Variants in CACNA2D1 observed in about 807,000 individuals in gnomAD.
The protein encoded by CACNA2D1 is calcium voltage-gated channel auxiliary subunit alpha2delta 1.
CACNA2D1 carries 53 observed loss-of-function variants against 171.5 expected under a neutral mutation model. The ratio of observed to expected loss-of-function variants is 0.31; its 90% CI spans 0.25 to 0.39. The LOEUF (loss-of-function observed/expected upper bound fraction) is 0.39. Ranked by LOEUF, CACNA2D1 falls within the 10% of genes least tolerant of loss-of-function variation. The pLI is 1.00. For missense variants in CACNA2D1, 903 were observed against 1,299.8 expected, an observed-to-expected ratio of 0.69 and a Z score of 4.69; for synonymous variants, 442 against 443.1, an observed-to-expected ratio of 1.00 and a Z score of 0.03.
At chr7:82,187,722 G>T (rs982969441) in intron 3 of CACNA2D1, among the ~76,000 whole-genome samples, 2 of 152,050 alleles carry the variant, frequency 1.3e-5, no homozygotes, top group African/African-American at 4.8e-5. Flanking sequence ...TTTGACTTTA[G>T]GAGCTGTGTA....
intron 3 of CACNA2D1, among the ~76,000 whole-genome samples, chr7:82,290,197 C>T (rs1032333154): frequency 6.6e-6 from 1 of 151,800 alleles, no homozygotes; most frequent in African/African-American, 2.4e-5. Flanking sequence ...CTGAACTAAG[C>T]GAAAGGAAGA....
chr7:82,193,392 A>G (rs529194851), intron 3 of CACNA2D1, among the ~76,000 whole-genome samples: 11 of 152,140 alleles, frequency 7.2e-5, no homozygotes, highest in African/African-American at 2.4e-4. Context: ...GGGATATTTT[A>G]GCAGTTTTTG....
chr7:81,966,646 T>C (rs1794733012), intron 31 of CACNA2D1, among the ~76,000 whole-genome samples: 2 of 151,260 alleles, frequency 1.3e-5, no homozygotes, highest in African/African-American at 4.8e-5. Flanking sequence ...CATTTCCTTT[T>C]TCAATTTCTC....
intron 1 of CACNA2D1, among the ~76,000 whole-genome samples, chr7:82,362,304 C>A (rs1821162021): frequency 6.6e-6 from 1 of 152,158 alleles, no homozygotes. Flanking sequence ...TAGATTTCAA[C>A]AAGCAGTTTT....
At chr7:82,031,244 G>C (rs1298367069) in intron 12 of CACNA2D1, among the ~76,000 whole-genome samples, 1 of 151,846 alleles carries the variant, frequency 6.6e-6, no homozygotes, top group Non-Finnish European at 1.5e-5. Flanking sequence ...ATCTAAAGGA[G>C]CCTACAGTGG....
rs530323971 is a variant in CACNA2D1 at position 82,036,163 on chromosome 7, C to T, written c.1038+1914G>A. Among the ~76,000 whole-genome samples, 3 of 152,216 alleles carry T rather than the reference C, an allele frequency of 2.0e-5. No individual in the cohort carries two copies. In the South Asian group the frequency reaches 6.2e-4, roughly 32 times the overall value. ...TCTCACTCTGCAACCCAGCCCACAC[C>T]ACTTAATCAGTTCCCATGCCATGCT... On this transcript the variant is annotated intron_variant, in intron 11 of 38. Transcript: ENST00000356860.
chr7:82,207,135 G>A lies in CACNA2D1; in HGVS notation c.295-36526C>T, dbSNP rs193122180. Among the ~76,000 whole-genome samples, 27 of 152,288 alleles carry A rather than the reference G, an allele frequency of 1.8e-4. No individual in the cohort carries two copies. In the East Asian group the frequency reaches 5.0e-3, roughly 28 times the overall value. On this transcript the variant is annotated intron_variant, in intron 3 of 38. Coordinates refer to ENST00000356860, the MANE Select transcript of CACNA2D1 (RefSeq NM_000722.4). ...CCACTAAATGCCACCAGGTTTCACT[G>A]TGACAATCAAAACACCCTCACATAT...
intron 3 of CACNA2D1, among the ~76,000 whole-genome samples, chr7:82,288,687 G>A (rs762695725): frequency 2.0e-5 from 3 of 152,108 alleles, no homozygotes; most frequent in Non-Finnish European, 4.4e-5. Context: ...GAAGCTCTTC[G>A]TAATTTCCCA....
chr7:82,181,025 C>T (rs1429092732), intron 3 of CACNA2D1, among the ~76,000 whole-genome samples: 2 of 99,366 alleles, frequency 2.0e-5, no homozygotes, highest in African/African-American at 7.1e-5. Context: ...TGGTCAGCAG[C>T]TGTGGGGCAT....
chr7:82,290,902 T>C (rs1307030658), intron 3 of CACNA2D1, among the ~76,000 whole-genome samples: 1 of 151,484 alleles, frequency 6.6e-6, no homozygotes, highest in Non-Finnish European at 1.5e-5. Flanking sequence ...AGTGAAAGCA[T>C]TATTTTTAAA....
intron 3 of CACNA2D1, among the ~76,000 whole-genome samples, chr7:82,317,803 AT>A (rs1240384518): frequency 2.0e-5 from 3 of 152,068 alleles, no homozygotes; most frequent in African/African-American, 7.2e-5. Flanking sequence ...AGATAGCTTC[AT>A]TTGCAAAATT....
chr7:82,321,657 G>C (rs181999160), intron 3 of CACNA2D1, among the ~76,000 whole-genome samples: 6 of 152,220 alleles, frequency 3.9e-5, no homozygotes, highest in Non-Finnish European at 5.9e-5. Flanking sequence ...AAAACACTAA[G>C]TTGTGAGGAA....
chr7:82,140,851 A>T lies in CACNA2D1; in HGVS notation c.355-4175T>A, dbSNP rs537242406. 6.7e-5 allele frequency among the ~76,000 whole-genome samples: 10 copies of T among 150,134 alleles called. No homozygotes were observed. The South Asian group carries it at 1.9e-3, about 29-fold the overall frequency. On this transcript the variant is annotated intron_variant, in intron 4 of 38. Transcript: ENST00000356860. The stretch of plus-strand genomic sequence containing the variant: ...GCACCTGTGGTCCCAGCTGTTCGGG[A>T]GGCTGAGACAGGAGAATGGCGTGAA...
intron 6 of CACNA2D1, among the ~76,000 whole-genome samples, chr7:82,103,798 A>C (rs1244405061): frequency 6.6e-6 from 1 of 152,110 alleles, no homozygotes; most frequent in Non-Finnish European, 1.5e-5. Flanking sequence ...CCCCAACCCG[A>C]ATATGTATAG....
chr7:82,250,589 T>C (rs948678985), intron 3 of CACNA2D1, among the ~76,000 whole-genome samples: 2 of 152,216 alleles, frequency 1.3e-5, no homozygotes, highest in Non-Finnish European at 2.9e-5. Context: ...TAAGCTTCTA[T>C]TGTTATTGCT....
chr7:82,317,542 C>G (rs144553141), intron 3 of CACNA2D1, among the ~76,000 whole-genome samples: 1 of 152,146 alleles, frequency 6.6e-6, no homozygotes, highest in African/African-American at 2.4e-5. Flanking sequence ...AGAATCTTTG[C>G]GGTGACTAAA....
chr7:82,313,690 A>G (rs748503007), intron 3 of CACNA2D1, among the ~76,000 whole-genome samples: 5 of 152,182 alleles, frequency 3.3e-5, no homozygotes, highest in Non-Finnish European at 7.3e-5. Context: ...ACATGTGTGC[A>G]TGTTAATAAA....
At chr7:82,352,156 T>C in intron 1 of CACNA2D1, among the ~76,000 whole-genome samples, 1 of 152,206 alleles carries the variant, frequency 6.6e-6, no homozygotes, top group East Asian at 1.9e-4. Flanking sequence ...ACTGACAAGC[T>C]GTTAGGAACA....
chr7:82,175,537 G>C (rs967188758), intron 3 of CACNA2D1, among the ~76,000 whole-genome samples: 1 of 151,960 alleles, frequency 6.6e-6, no homozygotes, highest in African/African-American at 2.4e-5. Flanking sequence ...AAAAGGATCA[G>C]GATAATCATT....
Sources: allele counts gnomAD v4.1 joint callset (sites outside exome capture counted in the v4.1 genomes callset), GRCh38; gene constraint gnomAD v4.1.1; transcripts MANE v1.5; gene names NCBI Gene and HGNC (gene_info 2026-07-23, HGNC 2026-07-21).